COL4A3: variants seen among roughly 807,000 people sequenced by gnomAD.
COL4A3 encodes collagen alpha-3(IV) chain.
In COL4A3, 135 loss-of-function variants were observed where a neutral mutation model predicts 217.4. The observed-to-expected ratio is 0.62, with a 90% CI of 0.54 to 0.72. COL4A3 has a LOEUF of 0.72. Among genes scored for constraint, COL4A3 ranks in the 30% least tolerant of loss-of-function variants. The pLI is 0.00. For synonymous variants in COL4A3, 690 were observed against 736.3 expected (o/e 0.94, Z 1.02); for missense variants, 1,868 against 2,119.9 (o/e 0.88, Z 2.33).
At chr2:227,284,160 A>G (rs781492501) in intron 33 of COL4A3, 51 bp from the exon 34 acceptor site, 18 of 1,612,874 alleles carry the variant, frequency 1.1e-5, no homozygotes, top group African/African-American at 6.7e-5. Flanking sequence ...TTTAATCCCT[A>G]TGAACTACCT....
chr2:227,238,005 A>G lies in COL4A3; in HGVS notation c.125A>G (p.Asp42Gly), dbSNP rs747725232. Residue 42 changes from aspartate to glycine, a missense_variant, in exon 2 of 52, where the codon GAC becomes GGC. Physicochemically the swap from Asp to Gly is moderately conservative, Grantham distance 94 (BLOSUM62 -1). This residue lies in a region of COL4A3 where 365 missense variants were observed against 333.8 expected (regional missense o/e 1.09). Transcript: ENST00000396578. ...VCKDKGQCFC[D>G]GAKGEKGEKG... ...AAAGACAAAGGCCAGTGCTTCTGTGACGGGGCCAAAGGGGAGAAGGTAAAA... is the reference window on the plus strand; with the variant it reads ...AAAGACAAAGGCCAGTGCTTCTGTGGCGGGGCCAAAGGGGAGAAGGTAAAA... The G allele has an allele frequency of 2.5e-6, 4 of 1,609,686 alleles. No individual in the cohort carries two copies. The Admixed American group carries it at 6.7e-5, about 27-fold the overall frequency.
chr2:227,207,947 G>A (rs2067162132), intron 1 of COL4A3, among the ~76,000 whole-genome samples: 2 of 151,938 alleles, frequency 1.3e-5, no homozygotes, highest in South Asian at 4.1e-4. Context: ...GAAAAGAGAA[G>A]AAAAATAATT....
In COL4A3 at chr2:227,259,897, T is replaced by C. The variant is rs770801181; in HGVS notation, c.1114+20T>C. ...CACAAGGTAAGAATAAATTTCTTCC[T>C]AAAGCATTTGCTGAACATATTTCTG... On this transcript the variant is annotated intron_variant, in intron 19 of 51. Transcript: ENST00000396578. The C allele has an allele frequency of 1.3e-5, 21 of 1,569,076 alleles. No homozygotes were observed. Among genetic ancestry groups the C allele is most frequent in the Non-Finnish European group, 1.8e-5 (20 of 1,138,978 alleles).
At chr2:227,222,669 CA>C (rs1398814374) in intron 1 of COL4A3, 3 of 152,198 alleles carry the variant, frequency 2.0e-5, no homozygotes, top group African/African-American at 7.2e-5. Flanking sequence ...GGTAGTCTTT[CA>C]AGACAGGTAA....
At chr2:227,257,520 T>C in intron 17 of COL4A3, 83 bp from the exon 18 acceptor site, 1 of 1,103,854 alleles carries the variant, frequency 9.1e-7, no homozygotes, top group South Asian at 1.3e-5. Flanking sequence ...AATATATTGT[T>C]CATTTTAACT....
At position 227,276,451 on chromosome 2, in the gene COL4A3, G is replaced by C. The variant is rs1465952147; in HGVS notation, c.1994G>C (p.Gly665Ala). The C allele has an allele frequency of 4.3e-6, 7 of 1,613,976 alleles. No homozygotes were observed. The South Asian group carries it at 6.6e-5, about 15-fold the overall frequency. Reference protein sequence around the residue: ...PGPPGPPGPPGHPGPQGPPGI... With the variant: ...PGPPGPPGPPAHPGPQGPPGI... ...CCACCAGGACCTCCAGGGCCCCCTG[G>C]CCATCCTGGCCCCCAAGGTCCACCT... The change falls in exon 27 of 52, where the codon GGC (glycine) becomes GCC (alanine). Residue 665 changes from glycine to alanine, a missense_variant. Transcript: ENST00000396578.
chr2:227,298,653 C>T, intron 42 of COL4A3, 29 bp from the exon 43 acceptor site: 1 of 1,612,812 alleles, frequency 6.2e-7, no homozygotes, highest in Middle Eastern at 1.7e-4. Context: ...CCCTGGCTGG[C>T]AATACTGACA....
At chr2:227,302,569 T>C (rs1485583342) in intron 43 of COL4A3, among the ~76,000 whole-genome samples, 1 of 149,906 alleles carries the variant, frequency 6.7e-6, no homozygotes, top group Non-Finnish European at 1.5e-5. Flanking sequence ...CCCAGCTACT[T>C]GGGAGGCTGA....
At position 227,302,677 on chromosome 2, in the gene COL4A3, C is replaced by CAAAAAAA. The variant is rs56065709; in HGVS notation, c.3883-338_3883-332dup. ...GGAGGACAAAACGAGACTCTTTCTC[C>CAAAAAAA]AAAAAAAAAAAAAAAAAAAAAAAAA... On this transcript the variant is annotated intron_variant, in intron 43 of 51. Coordinates refer to ENST00000396578, the MANE Select transcript of COL4A3 (RefSeq NM_000091.5). 1.1e-3 allele frequency among the ~76,000 whole-genome samples: 85 copies of CAAAAAAA among 79,890 alleles called. 7 individuals are homozygous for CAAAAAAA. The highest frequency in any genetic ancestry group is 7.0e-3 in the Middle Eastern group (1 of 142). 52.4% of individuals were successfully genotyped at this position (79,890 alleles called of 152,430 possible).
At chr2:227,202,898 TATATATGTGTATATATAC>T (rs1559819952) in intron 1 of COL4A3, among the ~76,000 whole-genome samples, 648 of 38,742 alleles carry the variant, frequency 0.017, 95 homozygotes, top group Admixed American at 0.033. Flanking sequence ...TATATATGTG[TATATATGTGTATATATAC>T]ATATATGTGT....
intron 51 of COL4A3, 85 bp downstream of exon 51, chr2:227,311,033 C>G: frequency 6.8e-7 from 1 of 1,472,292 alleles, no homozygotes; most frequent in Non-Finnish European, 9.5e-7. Flanking sequence ...CAACGAGTAG[C>G]CATGATTTTG....
intron 23 of COL4A3, 70 bp from the exon 24 acceptor site, chr2:227,269,840 C>T: frequency 2.3e-6 from 3 of 1,284,164 alleles, no homozygotes; most frequent in Non-Finnish European, 3.4e-6. Context: ...TTTCTTCATA[C>T]ATTGTATTAC....
rs1455775497 is a variant in COL4A3 at position 227,253,564 on chromosome 2, G to T, written c.691G>T (p.Val231Leu). 6.2e-7 allele frequency: 1 copy of T among 1,613,662 alleles called. No homozygotes were observed. Among genetic ancestry groups the T allele is most frequent in the Non-Finnish European group, 8.5e-7 (1 of 1,179,578 alleles). ...TCCTGAGTGTTTTTGTCTTTAGGGTGTGAAAGGGTTAACAGGACCCCCGGG... is the reference window on the plus strand; with the variant it reads ...TCCTGAGTGTTTTTGTCTTTAGGGTTTGAAAGGGTTAACAGGACCCCCGGG... Reference protein sequence around the residue: ...RVIGHKGERGVKGLTGPPGPP... With the variant: ...RVIGHKGERGLKGLTGPPGPP... The change falls in exon 13 of 52, where the codon GTG becomes TTG. Residue 231 changes from valine (V) to leucine (L), a missense_variant. By Grantham distance (32) the Val-to-Leu change is conservative. Around this residue, in one of 2 missense-constraint regions of COL4A3, gnomAD observed 365 missense variants for 333.8 expected, o/e 1.09. Transcript: ENST00000396578. The surrounding 1 kb of genome is among the most constrained non-coding windows in gnomAD (Gnocchi z 4.4).
At chr2:227,239,153 G>T (rs1406253575) in intron 2 of COL4A3, among the ~76,000 whole-genome samples, 1 of 152,090 alleles carries the variant, frequency 6.6e-6, no homozygotes, top group African/African-American at 2.4e-5. Flanking sequence ...CACGGTTTCT[G>T]AATCCTCAGA....
At chr2:227,211,389 G>T (rs2067315954) in intron 1 of COL4A3, among the ~76,000 whole-genome samples, 1 of 152,166 alleles carries the variant, frequency 6.6e-6, no homozygotes, top group South Asian at 2.1e-4. Context: ...TACCATTGGG[G>T]CATGCATGGG....
chr2:227,303,777 C>A, intron 44 of COL4A3, 82 bp from the exon 45 acceptor site: 1 of 1,320,492 alleles, frequency 7.6e-7, no homozygotes, highest in Non-Finnish European at 1.1e-6. Flanking sequence ...TAGTATTTGT[C>A]CTTAGAGTCA....
chr2:227,227,714 G>C (rs761771835), intron 1 of COL4A3: 4 of 152,062 alleles, frequency 2.6e-5, no homozygotes, highest in African/African-American at 2.4e-5. Context: ...CAGAATTGTT[G>C]TAAGATATAA....
chr2:227,168,497 G>A (rs780764358), intron 1 of COL4A3, among the ~76,000 whole-genome samples: 2 of 152,086 alleles, frequency 1.3e-5, no homozygotes, highest in Non-Finnish European at 2.9e-5. Flanking sequence ...CCTTTTTGTT[G>A]CTAATTAATT....
At chr2:227,297,903 G>A (rs1559913985) in intron 42 of COL4A3, 44 bp downstream of exon 42, 5 of 1,548,188 alleles carry the variant, frequency 3.2e-6, no homozygotes, top group Non-Finnish European at 4.4e-6. Context: ...CAAAAATCAT[G>A]TTTGACCTCA....
Sources: gnomAD v4.1 joint callset for allele counts (sites outside exome capture counted in the v4.1 genomes callset) on GRCh38, gnomAD v4.1.1 for gene constraint, gnomAD v4.1.1 regional missense constraint, Gnocchi (gnomAD v3.1) non-coding constraint, MANE v1.5 for transcripts, NCBI Gene and HGNC (gene_info 2026-07-23, HGNC 2026-07-21) for gene names.